RPRD2: variants seen among roughly 807,000 people sequenced by gnomAD.
The protein encoded by RPRD2 is regulation of nuclear pre-mRNA domain containing 2.
RPRD2 carries 12 observed loss-of-function variants against 104.4 expected under a neutral mutation model. The observed-to-expected ratio is 0.11, with a 90% CI of 0.07 to 0.19. The LOEUF is 0.19. Ranked by LOEUF, RPRD2 falls within the 10% of genes least tolerant of loss-of-function variation. The pLI, the probability that RPRD2 is intolerant of heterozygous loss-of-function variation, is 1.00. For missense variants in RPRD2, 1,543 were observed against 1,790.1 expected (o/e 0.86, Z 2.49); for synonymous variants, 714 against 684.9 (o/e 1.04, Z -0.66).
intron 2 of RPRD2, among the ~76,000 whole-genome samples, chr1:150,418,335 A>G (rs1664515946): frequency 6.6e-6 from 1 of 152,158 alleles, no homozygotes; most frequent in African/African-American, 2.4e-5. Context: ...TTACTTGACC[A>G]TGTATGTCTC....
intron 1 of RPRD2, among the ~76,000 whole-genome samples, chr1:150,409,647 CTTTTTTTT>C (rs10684353): frequency 3.5e-5 from 4 of 114,612 alleles, no homozygotes; most frequent in Non-Finnish European, 7.0e-5. Context: ...TGTTGCAATT[CTTTTTTTT>C]TTTTTTTTTT....
Position 150,440,889 on chromosome 1 carries a change from TTTA to T in RPRD2, c.336-32_336-30del, listed in dbSNP as rs1553894292. 3 of 1,064,122 alleles carry T rather than the reference TTTA, an allele frequency of 2.8e-6. No individual in the cohort carries two copies. The South Asian group carries it at 4.4e-5, about 16-fold the overall frequency. The allele number at this position is 1,064,122 out of a possible 1,614,324, so 65.9% of individuals were successfully genotyped here. On this transcript the variant is annotated intron_variant, in intron 2 of 10. Coordinates refer to ENST00000369068, the MANE Select transcript of RPRD2 (RefSeq NM_015203.5). ...CTAGTTTGGAGTAGAAGTCAAGGTTTTTATAGTCTGTATTACTTTTTCTTTGTT... is the reference window on the plus strand; with the variant it reads ...CTAGTTTGGAGTAGAAGTCAAGGTTTTAGTCTGTATTACTTTTTCTTTGTT...
At chr1:150,395,592 A>C (rs1032380783) in intron 1 of RPRD2, among the ~76,000 whole-genome samples, 4 of 147,478 alleles carry the variant, frequency 2.7e-5, no homozygotes, top group African/African-American at 1.0e-4. Flanking sequence ...GGCTCATTGC[A>C]ACCACTGCCT....
At chr1:150,392,518 A>G (rs111503550) in intron 1 of RPRD2, among the ~76,000 whole-genome samples, 67 of 152,296 alleles carry the variant, frequency 4.4e-4, no homozygotes, top group Middle Eastern at 3.4e-3. Flanking sequence ...TTGGGTAAAA[A>G]TAGAATGTAT....
At chr1:150,468,022 C>T (rs587703842) in intron 10 of RPRD2, among the ~76,000 whole-genome samples, 5 of 151,840 alleles carry the variant, frequency 3.3e-5, no homozygotes, top group Non-Finnish European at 4.4e-5. Flanking sequence ...ATTAGCTGGG[C>T]GTGGTGGCTC....
chr1:150,450,499 C>T (rs1210529817), intron 7 of RPRD2, among the ~76,000 whole-genome samples: 2 of 149,186 alleles, frequency 1.3e-5, no homozygotes, highest in Admixed American at 6.7e-5. Context: ...CCCACTACTC[C>T]GCAGGCTGAG....
intron 7 of RPRD2, among the ~76,000 whole-genome samples, chr1:150,447,334 C>A (rs1487684585): frequency 2.2e-5 from 3 of 136,152 alleles, no homozygotes; most frequent in Non-Finnish European, 4.7e-5. Context: ...AATTAAGGAA[C>A]TTTTTTTTTT....
intron 2 of RPRD2, among the ~76,000 whole-genome samples, chr1:150,417,934 C>CTTTCT (rs201662911): frequency 2.1e-5 from 3 of 145,158 alleles, no homozygotes; most frequent in African/African-American, 5.1e-5. Flanking sequence ...TTCTTTCTTT[C>CTTTCT]TTCCTTTCCT....
rs1203478537 is a variant in RPRD2, at chr1:150,393,454, C to CAAAAAA, written c.206-24124_206-24119dup. ...CCTGGGCAACAGAGAGACCCTGTCT[C>CAAAAAA]AAAAAAAAAAAAAAAAAAAAAAACC... On this transcript the variant is annotated intron_variant, in intron 1 of 10. Transcript: ENST00000369068. Among the ~76,000 whole-genome samples the CAAAAAA allele has an allele frequency of 5.7e-4, 34 of 59,530 alleles. 1 individual carries two copies. The highest frequency in any genetic ancestry group is 1.8e-3 in the African/African-American group (30 of 16,894). The allele number at this position is 59,530 out of a possible 152,430, so 39.1% of individuals were successfully genotyped here. A position where few individuals can be genotyped will look rare whatever the true frequency, so the allele number is the denominator to read the frequency against.
At chr1:150,457,797 G>A (rs782213794) in intron 8 of RPRD2, among the ~76,000 whole-genome samples, 43 of 152,098 alleles carry the variant, frequency 2.8e-4, no homozygotes, top group Non-Finnish European at 5.0e-4. Context: ...TAGGCCATGG[G>A]CGGTGGCTCA....
At chr1:150,414,271 T>C (rs1364393957) in intron 1 of RPRD2, among the ~76,000 whole-genome samples, 1 of 152,212 alleles carries the variant, frequency 6.6e-6, no homozygotes, top group African/African-American at 2.4e-5. Flanking sequence ...TTAAGCCCTA[T>C]CTTAATTGTT....
chr1:150,376,958 C>T (rs1660745354), intron 1 of RPRD2, among the ~76,000 whole-genome samples: 1 of 151,388 alleles, frequency 6.6e-6, no homozygotes, highest in Non-Finnish European at 1.5e-5. Flanking sequence ...CGCCTGTAAT[C>T]CCAGCACTTT....
chr1:150,464,462 G>T, intron 9 of RPRD2, 65 bp from the exon 10 acceptor site: 1 of 1,252,436 alleles, frequency 8.0e-7, no homozygotes, highest in Non-Finnish European at 1.1e-6. Context: ...TTGAAGTGAG[G>T]GGAAGTATCG....
At chr1:150,370,842 CTGAGATTACAGGCA>C (rs1333508912) in intron 1 of RPRD2, among the ~76,000 whole-genome samples, 1 of 152,076 alleles carries the variant, frequency 6.6e-6, no homozygotes, top group African/African-American at 2.4e-5. Flanking sequence ...TCCCAAAGTG[CTGAGATTACAGGCA>C]TGAGCCACCG....
intron 1 of RPRD2, among the ~76,000 whole-genome samples, chr1:150,416,897 A>AAC: frequency 6.6e-6 from 1 of 151,524 alleles, no homozygotes; most frequent in East Asian, 1.9e-4. Flanking sequence ...AAAAACAAAA[A>AAC]GAAGAAGAAG....
chr1:150,410,009 G>A (rs1553887349), intron 1 of RPRD2, among the ~76,000 whole-genome samples: 1 of 152,136 alleles, frequency 6.6e-6, no homozygotes, highest in African/African-American at 2.4e-5. Context: ...ATTTGAGCAA[G>A]ATTTAAAGGT....
At position 150,413,000 on chromosome 1, in the gene RPRD2, A is replaced by AG. The variant is rs1479702650; in HGVS notation, c.206-4596_206-4595insG. On this transcript the variant is annotated intron_variant, in intron 1 of 10. Transcript: ENST00000369068. The stretch of plus-strand genomic sequence containing the variant: ...AAAAAAAGGAAGGAAGGAAGATAAA[A>AG]AAAAGAAAAGAAAAATAAATTTGGC... Among the ~76,000 whole-genome samples the AG allele has an allele frequency of 1.9e-3, 273 of 144,602 alleles. 1 individual carries two copies. The highest frequency in any genetic ancestry group is 2.3e-3 in the Non-Finnish European group (151 of 64,780). The allele number at this position is 144,602 out of a possible 152,430, so 94.9% of individuals were successfully genotyped here.
Position 150,474,396 on chromosome 1 carries a change from C to T in RPRD2, c.*1062C>T, listed in dbSNP as rs958079784. 8 of 151,730 alleles carry T rather than the reference C, an allele frequency of 5.3e-5. No homozygotes were observed. Among genetic ancestry groups the T allele is most frequent in the African/African-American group, 1.9e-4 (8 of 41,158 alleles). The allele number at this position is 151,730 out of a possible 1,614,324, so 9.4% of individuals were successfully genotyped here. ...CCCTTGCCTCAGTCGTGTTATTCAC[C>T]CCTATTCTTGATATTTTAAAGGAGG... On this transcript the variant is annotated 3_prime_UTR_variant, in exon 11 of 11. Coordinates refer to ENST00000369068, the MANE Select transcript of RPRD2 (RefSeq NM_015203.5).
chr1:150,378,850 G>A (rs186263213), intron 1 of RPRD2, among the ~76,000 whole-genome samples: 41 of 151,754 alleles, frequency 2.7e-4, no homozygotes, highest in South Asian at 2.5e-3. Context: ...AGGCATGGTG[G>A]TGCGCGCCTG....
Sources: allele counts gnomAD v4.1 joint callset (sites outside exome capture counted in the v4.1 genomes callset), GRCh38; gene constraint gnomAD v4.1.1; transcripts MANE v1.5; gene names NCBI Gene and HGNC (gene_info 2026-07-23, HGNC 2026-07-21).